Variants in SYNPO2 observed in about 807,000 individuals in gnomAD.
The protein encoded by SYNPO2 is synaptopodin-2.
SYNPO2 carries 56 observed loss-of-function variants against 85.0 expected under a neutral mutation model. That is an observed-to-expected ratio of 0.66 (90% CI 0.53 to 0.82). The LOEUF is 0.82. Among genes scored for constraint, SYNPO2 ranks in the 40% least tolerant of loss-of-function variants. The pLI, the probability that SYNPO2 is intolerant of heterozygous loss-of-function variation, is 0.00. For synonymous variants in SYNPO2, 602 were observed against 591.1 expected, an observed-to-expected ratio of 1.02 and a Z score of -0.27; for missense variants, 1,575 against 1,534.2, an observed-to-expected ratio of 1.03 and a Z score of -0.44.
At chr4:118,972,907 A>C (rs963715528) in intron 1 of SYNPO2, among the ~76,000 whole-genome samples, 1 of 152,218 alleles carries the variant, frequency 6.6e-6, no homozygotes, top group Non-Finnish European at 1.5e-5. Flanking sequence ...ATATTTTGTA[A>C]GCTGGCTATC....
intron 1 of SYNPO2, among the ~76,000 whole-genome samples, chr4:118,898,872 G>T (rs934151544): frequency 6.6e-6 from 1 of 152,144 alleles, no homozygotes; most frequent in African/African-American, 2.4e-5. Context: ...GTTCCTCCCT[G>T]GTTGCTTCAT....
At chr4:118,910,102 GGTT>G (rs1016293362) in intron 1 of SYNPO2, among the ~76,000 whole-genome samples, 35 of 152,256 alleles carry the variant, frequency 2.3e-4, no homozygotes, top group African/African-American at 8.2e-4. Context: ...GTCCCTTCTG[GGTT>G]GTTGTGTTCA....
intron 1 of SYNPO2, among the ~76,000 whole-genome samples, chr4:119,011,735 G>A (rs994833007): frequency 4.6e-5 from 7 of 152,102 alleles, no homozygotes; most frequent in Non-Finnish European, 7.4e-5. Flanking sequence ...TTTATTGCAG[G>A]TCTACTATGT....
rs1239850880 is a variant in SYNPO2 at position 119,031,201 on chromosome 4, C to T, written c.2426C>T (p.Ala809Val). Residue 809 changes from alanine (A) to valine (V), a missense_variant, in exon 4 of 5, where the codon GCC (alanine) becomes GTC (valine). Physicochemically the swap from Ala to Val is moderately conservative, Grantham distance 64. Coordinates refer to ENST00000307142, the MANE Select transcript of SYNPO2 (RefSeq NM_133477.3). ...KGTVVSSIKI[A>V]QPSYPPARPA... ...ACCGTTGTCTCCTCCATCAAAATAG[C>T]CCAGCCTTCTTACCCTCCTGCCCGG... is the stretch of plus-strand genomic sequence containing the variant. 1 of 1,614,166 alleles carries T rather than the reference C, an allele frequency of 6.2e-7. No homozygotes were observed. The highest frequency in any genetic ancestry group is 1.1e-5 in the South Asian group (1 of 91,084).
At chr4:118,886,646 G>T (rs1361111250), upstream of SYNPO2, among the ~76,000 whole-genome samples, 3 of 152,076 alleles carry the variant, frequency 2.0e-5, no homozygotes, top group Admixed American at 1.3e-4. Context: ...TCTTTATCCA[G>T]TCTATCACTG....
chr4:118,900,171 C>A (rs913465752), intron 1 of SYNPO2, among the ~76,000 whole-genome samples: 22 of 152,076 alleles, frequency 1.4e-4, no homozygotes, highest in African/African-American at 5.1e-4. Context: ...AATTTCCAGC[C>A]CCAAATCACT....
chr4:118,968,925 CTAAGTATTATGAAATATAGCGTGGCAA>C (rs1405207295), intron 1 of SYNPO2, among the ~76,000 whole-genome samples: 1 of 152,102 alleles, frequency 6.6e-6, no homozygotes, highest in African/African-American at 2.4e-5. Flanking sequence ...AATCTAACTG[CTAAGTATTATGAAATATAGCGTGGCAA>C]AACAAAAACG....
chr4:118,921,412 C>T (rs149143959), intron 1 of SYNPO2, among the ~76,000 whole-genome samples: 1 of 152,210 alleles, frequency 6.6e-6, no homozygotes, highest in African/African-American at 2.4e-5. Flanking sequence ...GCCAGGCTGA[C>T]GTATCTAGAA....
rs574414893 is a variant in SYNPO2 at position 118,985,872 on chromosome 4, T to C, written c.106-37558T>C. On this transcript the variant is annotated intron_variant, in intron 1 of 4. Transcript: ENST00000307142. ...ATTTCATGTGAACACCACCATTTACTACATTATTCTGTAGGCCCTAATGAA... is the reference window on the plus strand; with the variant it reads ...ATTTCATGTGAACACCACCATTTACCACATTATTCTGTAGGCCCTAATGAA... Among the ~76,000 whole-genome samples, 3 of 152,198 alleles carry C rather than the reference T, an allele frequency of 2.0e-5. No individual in the cohort carries two copies. The South Asian group carries it at 6.2e-4, about 32-fold the overall frequency.
At position 118,853,105 on chromosome 4, in the gene SYNPO2, T is replaced by C. The variant is rs962759148; in HGVS notation, c.12+2165T>C. Among the ~76,000 whole-genome samples the C allele has an allele frequency of 2.8e-4, 42 of 152,314 alleles. 1 individual carries two copies. The highest frequency in any genetic ancestry group is 8.5e-4 in the Admixed American group (13 of 15,286). On this transcript the variant is annotated intron_variant, in intron 1 of 4. Transcript: ENST00000610556. ...AGTTTTTTTCTTTGATGTAAGAGGATCACTTCGTTAATTTTCAAGAAAATG... is the reference window on the plus strand; with the variant it reads ...AGTTTTTTTCTTTGATGTAAGAGGACCACTTCGTTAATTTTCAAGAAAATG...
At chr4:119,020,015 CAT>C (rs1266886227) in intron 1 of SYNPO2, among the ~76,000 whole-genome samples, 1 of 152,234 alleles carries the variant, frequency 6.6e-6, no homozygotes, top group East Asian at 1.9e-4. Flanking sequence ...CTCACATAAA[CAT>C]ACACACTTAT....
At chr4:119,023,614 C>G (rs765380702) in intron 2 of SYNPO2, 33 bp downstream of exon 2, 2 of 1,594,998 alleles carry the variant, frequency 1.3e-6, no homozygotes, top group Non-Finnish European at 8.6e-7. Flanking sequence ...TGTATTTTCT[C>G]TTGAAGCTAC....
Position 119,030,520 on chromosome 4 carries a change from T to C in SYNPO2, c.1745T>C (p.Met582Thr). ...TCTGAGACAGCAAACATCCAGAGGA[T>C]GGTCCCCATGAATAGAACGGCCAAA... ...GTSETANIQR[M>T]VPMNRTAKPF... Residue 582 changes from methionine (M) to threonine (T), a missense_variant, in exon 4 of 5, where the codon ATG (methionine) becomes ACG (threonine). By Grantham distance (81) the Met-to-Thr change is moderately conservative. Around this residue, in one of 3 missense-constraint regions of SYNPO2, gnomAD observed 1,508 missense variants for 1,446.8 expected, o/e 1.04. Transcript: ENST00000307142. 3 of 1,614,054 alleles carry C rather than the reference T, an allele frequency of 1.9e-6. No homozygotes were observed. Among genetic ancestry groups the C allele is most frequent in the Non-Finnish European group, 2.5e-6 (3 of 1,179,982 alleles).
intron 1 of SYNPO2, among the ~76,000 whole-genome samples, chr4:118,871,669 C>T (rs1046420695): frequency 1.3e-5 from 2 of 151,792 alleles, no homozygotes; most frequent in Non-Finnish European, 2.9e-5. Flanking sequence ...TCCGGGTTCA[C>T]GCCATTCTCC....
intron 1 of SYNPO2, among the ~76,000 whole-genome samples, chr4:119,002,715 T>G (rs1198858083): frequency 6.6e-6 from 1 of 152,170 alleles, no homozygotes; most frequent in Non-Finnish European, 1.5e-5. Flanking sequence ...TTGGTTTTTC[T>G]TCCTCTTTTT....
chr4:118,938,881 T>A (rs1320007428), intron 1 of SYNPO2, among the ~76,000 whole-genome samples: 1 of 152,228 alleles, frequency 6.6e-6, no homozygotes, highest in Non-Finnish European at 1.5e-5. Flanking sequence ...AAAGAAATTT[T>A]ATTTTTATAA....
chr4:119,038,744 C>A (rs997713515), intron 4 of SYNPO2, among the ~76,000 whole-genome samples: 3 of 152,188 alleles, frequency 2.0e-5, no homozygotes, highest in Non-Finnish European at 4.4e-5. Context: ...CTTAGAGTGT[C>A]ACGGTGCCAA....
chr4:118,952,070 G>A (rs1040529327), intron 1 of SYNPO2, among the ~76,000 whole-genome samples: 1 of 152,166 alleles, frequency 6.6e-6, no homozygotes, highest in Non-Finnish European at 1.5e-5. Context: ...ATTATCCTCT[G>A]TCTTGAAGAG....
chr4:118,889,218 G>T (rs1732285356), intron 1 of SYNPO2, 77 bp downstream of exon 1: 1 of 1,320,056 alleles, frequency 7.6e-7, no homozygotes, highest in African/African-American at 1.5e-5. Flanking sequence ...GTGTTTTCAG[G>T]TTCTGATGCA....
Sources: allele counts gnomAD v4.1 joint callset (sites outside exome capture counted in the v4.1 genomes callset), GRCh38; gene constraint gnomAD v4.1.1; regional missense constraint gnomAD v4.1.1; transcripts MANE v1.5; gene names NCBI Gene and HGNC (gene_info 2026-07-23, HGNC 2026-07-21).